Variants in MACROD1 observed in about 807,000 individuals in gnomAD.
MACROD1 encodes ADP-ribose glycohydrolase MACROD1.
MACROD1 carries 31 observed loss-of-function variants against 41.4 expected under a neutral mutation model. That is an observed-to-expected ratio of 0.75 (90% CI 0.56 to 1.01). MACROD1 has a LOEUF of 1.01. Ranked by LOEUF, MACROD1 falls within the 50% of genes least tolerant of loss-of-function variation. The pLI, the probability that MACROD1 is intolerant of heterozygous loss-of-function variation, is 0.00. For missense variants in MACROD1, 473 were observed against 460.0 expected (o/e 1.03, Z -0.26); for synonymous variants, 252 against 203.4 (o/e 1.24, Z -2.03).
intron 1 of MACROD1, among the ~76,000 whole-genome samples, chr11:64,155,133 C>A (rs997202064): frequency 6.6e-6 from 1 of 152,194 alleles, no homozygotes; most frequent in Non-Finnish European, 1.5e-5. Flanking sequence ...GCCTGAGGGG[C>A]ACGCTGAGGA....
intron 3 of MACROD1, among the ~76,000 whole-genome samples, chr11:64,074,723 C>G (rs1185165493): frequency 6.6e-6 from 1 of 152,216 alleles, no homozygotes; most frequent in Non-Finnish European, 1.5e-5. Flanking sequence ...GGTCCCTGAG[C>G]TGCTGCCCCA....
At chr11:64,001,894 G>A (rs1365093417) in intron 4 of MACROD1, 2 of 644,296 alleles carry the variant, frequency 3.1e-6, no homozygotes, top group African/African-American at 1.8e-5. Context: ...AGCCACAGAT[G>A]TGTGACCCCT....
intron 3 of MACROD1, among the ~76,000 whole-genome samples, chr11:64,094,810 G>A (rs1944549191): frequency 6.6e-6 from 1 of 152,254 alleles, no homozygotes; most frequent in South Asian, 2.1e-4. Flanking sequence ...TGTGCCTGGG[G>A]TTCACAGGGG....
intron 3 of MACROD1, among the ~76,000 whole-genome samples, chr11:64,145,089 T>C (rs1015377703): frequency 3.9e-5 from 6 of 152,158 alleles, no homozygotes; most frequent in African/African-American, 9.7e-5. Flanking sequence ...CTGCCGGTGC[T>C]TGGGAGGAGG....
intron 3 of MACROD1, among the ~76,000 whole-genome samples, chr11:64,105,521 C>T (rs957125172): frequency 1.3e-5 from 2 of 152,202 alleles, no homozygotes; most frequent in African/African-American, 2.4e-5. Flanking sequence ...GTCCCCTCCA[C>T]ACAGGCTGTG....
At position 64,151,325 on chromosome 11, in the gene MACROD1, TACCTGGG is replaced by T; in HGVS notation, c.424_430del (p.Pro142IlefsTer105). 6.2e-7 allele frequency: 1 copy of T among 1,613,862 alleles called. No individual in the cohort carries two copies. The highest frequency in any genetic ancestry group is 8.5e-7 in the Non-Finnish European group (1 of 1,179,992). On this transcript the variant is annotated frameshift_variant, in exon 3 of 11. Transcript: ENST00000255681. LOFTEE classifies it high-confidence loss of function. Reference sequence around the variant, plus strand: ...CTCATTGAGCTGCTTGTCCTTTTTATACCTGGGCTCCTCCACCTTCACAGCCACCCCT... The same window carrying T: ...CTCATTGAGCTGCTTGTCCTTTTTATCTCCTCCACCTTCACAGCCACCCCT...
chr11:64,000,198 CCACAGCTGGGGGCGCGTCGGGGACT>C lies in MACROD1; in HGVS notation c.664+4_664+28del, dbSNP rs1942797168. The C allele has an allele frequency of 6.3e-7, 1 of 1,585,390 alleles. No homozygotes were observed. Among genetic ancestry groups the C allele is most frequent in the East Asian group, 2.3e-5 (1 of 44,158 alleles). On this transcript the variant is annotated splice_donor_5th_base_variant and intron_variant, in intron 5 of 10. Transcript: ENST00000255681. ...GACACACGGGCGCCCTGTCTGCGCC[CCACAGCTGGGGGCGCGTCGGGGACT>C]CACACTTGGCCGGGAGCCGATAGCC...
In MACROD1 at chr11:63,999,054, C is replaced by T; in HGVS notation, c.892-18G>A. 3 of 1,588,502 alleles carry T rather than the reference C, an allele frequency of 1.9e-6. No individual in the cohort carries two copies. Among genetic ancestry groups the T allele is most frequent in the Non-Finnish European group, 2.6e-6 (3 of 1,169,400 alleles). ...CGGTCCACCTGCGCCAGGGGCTGCT[C>T]AGCCTGGGCCGAGCTGCCACGCCTG... On this transcript the variant is annotated intron_variant, in intron 8 of 10. Coordinates refer to ENST00000255681, the MANE Select transcript of MACROD1 (RefSeq NM_014067.4).
intron 3 of MACROD1, among the ~76,000 whole-genome samples, chr11:64,101,347 G>A (rs1252238583): frequency 6.6e-6 from 1 of 152,180 alleles, no homozygotes; most frequent in Non-Finnish European, 1.5e-5. Flanking sequence ...AGAAGCTATG[G>A]GAAGGGTCTG....
At chr11:64,031,469 TG>T (rs1943293668) in intron 3 of MACROD1, among the ~76,000 whole-genome samples, 1 of 139,316 alleles carries the variant, frequency 7.2e-6, no homozygotes, top group African/African-American at 2.7e-5. Flanking sequence ...CCTGCCTGCC[TG>T]CCTTCCTTTT....
chr11:64,091,811 C>G (rs1944495961), intron 3 of MACROD1, among the ~76,000 whole-genome samples: 1 of 152,188 alleles, frequency 6.6e-6, no homozygotes, highest in African/African-American at 2.4e-5. Context: ...GGCCACTACC[C>G]CAGTCCCCCA....
chr11:64,058,289 C>T (rs1452970511), intron 3 of MACROD1, among the ~76,000 whole-genome samples: 4 of 152,242 alleles, frequency 2.6e-5, no homozygotes, highest in South Asian at 2.1e-4. Flanking sequence ...GGACTACTGT[C>T]GGCTCTGCTG....
At chr11:64,138,183 G>A (rs1253071547) in intron 3 of MACROD1, among the ~76,000 whole-genome samples, 2 of 152,202 alleles carry the variant, frequency 1.3e-5, no homozygotes, top group Admixed American at 6.5e-5. Context: ...CCTGTCCCAT[G>A]CGCACCGGAA....
intron 3 of MACROD1, chr11:64,138,561 G>A (rs985255168): frequency 4.1e-6 from 4 of 985,280 alleles, no homozygotes; most frequent in African/African-American, 1.7e-5. Context: ...ACAGCCAGGC[G>A]GCAATAATAA....
chr11:64,152,479 C>G, intron 1 of MACROD1, 86 bp from the exon 2 acceptor site: 1 of 1,057,508 alleles, frequency 9.5e-7, no homozygotes. Flanking sequence ...TTGCCTCATC[C>G]AAGAATGCAA....
intron 3 of MACROD1, among the ~76,000 whole-genome samples, chr11:64,134,873 G>A (rs1043355274): frequency 6.6e-6 from 1 of 152,206 alleles, no homozygotes; most frequent in African/African-American, 2.4e-5. Flanking sequence ...TATTAAGAGA[G>A]GAGTAGAGAA....
intron 3 of MACROD1, among the ~76,000 whole-genome samples, chr11:64,131,441 C>T (rs1411138667): frequency 6.6e-6 from 1 of 152,204 alleles, no homozygotes; most frequent in Non-Finnish European, 1.5e-5. Context: ...ATTCTCCTGC[C>T]TCAGCCTCCC....
intron 1 of MACROD1, among the ~76,000 whole-genome samples, chr11:64,165,031 C>G (rs1405338704): frequency 1.3e-5 from 2 of 152,256 alleles, no homozygotes; most frequent in Admixed American, 1.3e-4. Flanking sequence ...CTCCTCTAAC[C>G]TCTGTTCCTG....
chr11:64,144,798 C>A (rs1022647319), intron 3 of MACROD1, among the ~76,000 whole-genome samples: 1 of 152,250 alleles, frequency 6.6e-6, no homozygotes, highest in Non-Finnish European at 1.5e-5. Context: ...GGCCGGCAAG[C>A]CTCAGCAAAC....
Sources: gnomAD v4.1 joint callset for allele counts (sites outside exome capture counted in the v4.1 genomes callset) on GRCh38, gnomAD v4.1.1 for gene constraint, MANE v1.5 for transcripts, NCBI Gene and HGNC (gene_info 2026-07-23, HGNC 2026-07-21) for gene names.